Variants in PREPL observed in about 807,000 individuals in gnomAD.
PREPL encodes the protein prolyl endopeptidase like, also known as prolyl endopeptidase-like.
In PREPL, 77 loss-of-function variants were observed where a neutral mutation model predicts 70.6. The observed-to-expected ratio is 1.09, with a 90% CI of 0.91 to 1.32. The LOEUF is 1.32. Among genes scored for constraint, PREPL ranks in the 40% most tolerant of loss-of-function variants. The pLI, the probability that PREPL is intolerant of heterozygous loss-of-function variation, is 0.00. For synonymous variants in PREPL, 315 were observed against 264.8 expected (o/e 1.19, Z -1.84); for missense variants, 1,002 against 778.2 (o/e 1.29, Z -3.42).
chr2:44,338,474 C>G lies in PREPL; in HGVS notation c.765G>C (p.Lys255Asn), dbSNP rs747192339. The change falls in exon 7 of 14, where the codon AAG (lysine) becomes AAC (asparagine). Residue 255 changes from lysine (K) to asparagine (N), a missense_variant. Physicochemically the swap from Lys to Asn is moderately conservative, Grantham distance 94 (BLOSUM62 0). Transcript: ENST00000409411. ...CCAAGTCTATCACTTTTGTATTTCT[C>G]TTCATTGTAAAAAATAAATCCCAAT... ...IMNWDLFFTM[K>N]RNTKVIDLDM... 5.0e-6 allele frequency: 8 copies of G among 1,612,438 alleles called. No homozygotes were observed. The highest frequency in any genetic ancestry group is 6.8e-6 in the Non-Finnish European group (8 of 1,179,514).
Position 44,321,563 on chromosome 2 carries a change from G to C in PREPL, c.1828-118C>G, listed in dbSNP as rs1016949997. 4.0e-6 allele frequency: 6 copies of C among 1,505,080 alleles called. No individual in the cohort carries two copies. The African/African-American group carries it at 7.0e-5, about 18-fold the overall frequency. The allele number at this position is 1,505,080 out of a possible 1,614,324, so 93.2% of individuals were successfully genotyped here. A position where few individuals can be genotyped will look rare whatever the true frequency, so the allele number is the denominator to read the frequency against. The stretch of plus-strand genomic sequence containing the variant: ...CCGTGAAGTCAGCAATTTATGGCAA[G>C]AATACTTTCATTCGAGAGAGAGGCA... On this transcript the variant is annotated intron_variant, in intron 13 of 13. Coordinates refer to ENST00000409411, the MANE Select transcript of PREPL (RefSeq NM_001171613.2).
In PREPL at chr2:44,320,285, C is replaced by A. The variant is rs1672815338; in HGVS notation, c.*1071G>T. ...CCAATGAGCTACTCCTCAACAGGGGCTGGTTTTGCCATTTGAGGAATGACA... is the reference window on the plus strand; with the variant it reads ...CCAATGAGCTACTCCTCAACAGGGGATGGTTTTGCCATTTGAGGAATGACA... On this transcript the variant is annotated 3_prime_UTR_variant, in exon 14 of 14. Coordinates refer to ENST00000409411, the MANE Select transcript of PREPL (RefSeq NM_001171613.2). 2 of 1,613,890 alleles carry A rather than the reference C, an allele frequency of 1.2e-6. No individual in the cohort carries two copies. Among genetic ancestry groups the A allele is most frequent in the African/African-American group, 1.3e-5 (1 of 74,918 alleles).
rs1251022254 is a variant in PREPL, at chr2:44,328,881, T to C, written c.1262+56A>G. The C allele has an allele frequency of 4.8e-6, 7 of 1,461,388 alleles. No individual in the cohort carries two copies. In the Admixed American group the frequency reaches 9.0e-5, roughly 19 times the overall value. 90.5% of individuals were successfully genotyped at this position (1,461,388 alleles called of 1,614,324 possible). A position where few individuals can be genotyped will look rare whatever the true frequency, so the allele number is the denominator to read the frequency against. On this transcript the variant is annotated intron_variant, in intron 9 of 13. Transcript: ENST00000409411. The stretch of plus-strand genomic sequence containing the variant: ...GTTCCCTGATATATATTGTTATTCT[T>C]GACATCTCTCACAATGGTCTAGCAC...
At chr2:44,332,228 G>A (rs1558495115) in intron 8 of PREPL, among the ~76,000 whole-genome samples, 2 of 152,076 alleles carry the variant, frequency 1.3e-5, no homozygotes, top group Admixed American at 1.3e-4. Context: ...TTACAGGCGT[G>A]AGCCACCGTG....
At chr2:44,355,778 T>TATAC (rs1553363720) in intron 1 of PREPL, among the ~76,000 whole-genome samples, 17 of 46,512 alleles carry the variant, frequency 3.7e-4, no homozygotes, top group East Asian at 3.3e-3. Context: ...TATATATATA[T>TATAC]ACACACACAC....
chr2:44,329,424 A>C (rs968362385), intron 8 of PREPL, among the ~76,000 whole-genome samples: 2 of 152,202 alleles, frequency 1.3e-5, no homozygotes, highest in African/African-American at 4.8e-5. Context: ...TATAATTTTA[A>C]ATTTTCAGAT....
intron 7 of PREPL, among the ~76,000 whole-genome samples, chr2:44,334,320 A>C (rs1674418820): frequency 6.6e-6 from 1 of 152,220 alleles, no homozygotes; most frequent in African/African-American, 2.4e-5. Flanking sequence ...TTTCATCAAA[A>C]GAATAAGACA....
chr2:44,320,312 C>A lies in PREPL; in HGVS notation c.*1044G>T, dbSNP rs1324678808. The A allele has an allele frequency of 6.2e-7, 1 of 1,614,034 alleles. No homozygotes were observed. The highest frequency in any genetic ancestry group is 1.1e-5 in the South Asian group (1 of 91,078). Reference sequence around the variant, plus strand: ...GGTTTTGCCATTTGAGGAATGACAGCCACTATGTTGTGTACACAAGAGAGC... The same window carrying A: ...GGTTTTGCCATTTGAGGAATGACAGACACTATGTTGTGTACACAAGAGAGC... On this transcript the variant is annotated 3_prime_UTR_variant, in exon 14 of 14. Coordinates refer to ENST00000409411, the MANE Select transcript of PREPL (RefSeq NM_001171613.2).
Position 44,354,737 on chromosome 2 carries a change from G to A in PREPL, c.-49+6643C>T, listed in dbSNP as rs184351924. ...TTACAGGCATGCGCCACCAGGCCCG[G>A]CTAAAATTTTTGGATTTTCAGTAGC... On this transcript the variant is annotated intron_variant, in intron 1 of 13. Coordinates refer to ENST00000409411, the MANE Select transcript of PREPL (RefSeq NM_001171613.2). 3.6e-3 allele frequency among the ~76,000 whole-genome samples: 550 copies of A among 152,254 alleles called. 2 individuals carry two copies. The highest frequency in any genetic ancestry group is 0.013 in the African/African-American group (533 of 41,530).
intron 10 of PREPL, among the ~76,000 whole-genome samples, chr2:44,323,962 G>A (rs1262692330): frequency 6.6e-6 from 1 of 152,160 alleles, no homozygotes; most frequent in African/African-American, 2.4e-5. Flanking sequence ...GTCTTAAAGA[G>A]ATCTGCATAC....
At chr2:44,329,668 T>TA (rs1022334226) in intron 8 of PREPL, among the ~76,000 whole-genome samples, 3 of 152,084 alleles carry the variant, frequency 2.0e-5, no homozygotes, top group African/African-American at 4.8e-5. Flanking sequence ...TTAACTTTAT[T>TA]AAAAAAAATT....
intron 2 of PREPL, 122 bp downstream of exon 2, chr2:44,346,146 A>AT: frequency 2.3e-6 from 2 of 877,862 alleles, no homozygotes; most frequent in East Asian, 5.2e-5. Context: ...TTTTCAGCAT[A>AT]TTTTAAAGGC....
intron 5 of PREPL, among the ~76,000 whole-genome samples, chr2:44,342,216 G>A (rs887115518): frequency 6.6e-6 from 1 of 152,074 alleles, no homozygotes; most frequent in Non-Finnish European, 1.5e-5. Context: ...TAAAATATTA[G>A]TGATATATCT....
At chr2:44,343,104 G>C (rs1236541390) in intron 4 of PREPL, among the ~76,000 whole-genome samples, 1 of 152,190 alleles carries the variant, frequency 6.6e-6, no homozygotes, top group Non-Finnish European at 1.5e-5. Context: ...TATGCACCAT[G>C]ATTTTAAAGG....
chr2:44,344,049 A>G (rs1675514514), intron 3 of PREPL, 98 bp from the exon 4 acceptor site: 2 of 1,376,492 alleles, frequency 1.5e-6, no homozygotes, highest in African/African-American at 3.1e-5. Context: ...CCCATTCTGT[A>G]AGAGGCCATA....
chr2:44,338,496 C>T lies in PREPL; in HGVS notation c.743G>A (p.Trp248Ter). 1 of 1,612,532 alleles carries T rather than the reference C, an allele frequency of 6.2e-7. No homozygotes were observed. Residue 248 changes from tryptophan to a stop codon, truncating the protein, a stop_gained, in exon 7 of 14, where the codon TGG becomes TAG. Transcript: ENST00000409411. LOFTEE classifies it high-confidence loss of function. ...TCTCTTCATTGTAAAAAATAAATCCCAATTCATAATTGCAGGGGTATCAGC... is the reference window on the plus strand; with the variant it reads ...TCTCTTCATTGTAAAAAATAAATCCTAATTCATAATTGCAGGGGTATCAGC... ...TAADTPAIMN[W>*]DLFFTMKRNT...
At chr2:44,327,318 C>G (rs1673611691) in intron 9 of PREPL, among the ~76,000 whole-genome samples, 1 of 152,128 alleles carries the variant, frequency 6.6e-6, no homozygotes, top group African/African-American at 2.4e-5. Flanking sequence ...ACTTACCCAG[C>G]AATGTGGTGT....
Position 44,323,419 on chromosome 2 carries a change from A to G in PREPL, c.1480-8T>C, listed in dbSNP as rs1254847324. On this transcript the variant is annotated splice_region_variant and splice_polypyrimidine_tract_variant and intron_variant, in intron 10 of 13. Transcript: ENST00000409411. ...AACATCCAAGAAAGGTGCCTAAAAA[A>G]AAGGCAAAGAAACTTATACTTCAAG... is the stretch of plus-strand genomic sequence containing the variant. The G allele has an allele frequency of 3.2e-6, 5 of 1,570,434 alleles. No homozygotes were observed. In the South Asian group the frequency reaches 5.9e-5, roughly 19 times the overall value.
At chr2:44,332,307 T>C (rs181974025) in intron 8 of PREPL, 152 bp downstream of exon 8, 1 of 622,656 alleles carries the variant, frequency 1.6e-6, no homozygotes, top group African/African-American at 1.9e-5. Flanking sequence ...TTAAAAAAAA[T>C]TCACCTATCC....
Sources: allele counts gnomAD v4.1 joint callset (sites outside exome capture counted in the v4.1 genomes callset), GRCh38; gene constraint gnomAD v4.1.1; transcripts MANE v1.5; gene names NCBI Gene and HGNC (gene_info 2026-07-23, HGNC 2026-07-21).